The following SHANK2 variants were observed in gnomAD, a reference collection of about 807,000 sequenced individuals.
SHANK2 encodes the protein SH3 and multiple ankyrin repeat domains 2, also known as SH3 and multiple ankyrin repeat domains protein 2.
SHANK2 carries 43 observed loss-of-function variants against 133.7 expected under a neutral mutation model. That is an observed-to-expected ratio of 0.32 (90% confidence interval 0.25 to 0.41). The LOEUF (loss-of-function observed/expected upper bound fraction) is 0.41, where lower values mean the gene tolerates loss of function less well. Ranked by LOEUF, SHANK2 falls within the 10% of genes least tolerant of loss-of-function variation. SHANK2 has a pLI of 1.00. For missense variants in SHANK2, 1,994 were observed against 2,235.8 expected, an observed-to-expected ratio of 0.89 and a Z score of 2.18; for synonymous variants, 1,017 against 952.8, an observed-to-expected ratio of 1.07 and a Z score of -1.24.
intron 10 of SHANK2, among the ~76,000 whole-genome samples, chr11:70,918,694 T>C (rs1555080270): frequency 6.6e-6 from 1 of 152,078 alleles, no homozygotes. Context: ...TTAGTACAGA[T>C]GGGATTTCAC....
intron 17 of SHANK2, among the ~76,000 whole-genome samples, chr11:70,517,623 C>T (rs376085250): frequency 4.4e-4 from 67 of 152,312 alleles, no homozygotes; most frequent in African/African-American, 1.4e-3. Context: ...AGGCTGCACA[C>T]TGTATGATTC....
intron 15 of SHANK2, among the ~76,000 whole-genome samples, chr11:70,672,104 C>T (rs1274313706): frequency 6.7e-6 from 1 of 149,376 alleles, no homozygotes; most frequent in Admixed American, 6.7e-5. Context: ...TGTTCTATCG[C>T]CCAGGCTGGA....
In SHANK2 at chr11:71,110,178, C is replaced by T; in HGVS notation, c.484-129G>A. 1.2e-5 allele frequency: 8 copies of T among 672,996 alleles called. No individual in the cohort carries two copies. The Admixed American group carries it at 1.9e-4, about 16-fold the overall frequency. The allele number at this position is 672,996 out of a possible 1,614,324, so 41.7% of individuals were successfully genotyped here. ...ACATGGCTGCACACGGTGGCTCACG[C>T]CTGTAATCCCAGCACTTTGTGAGGC... On this transcript the variant is annotated intron_variant, in intron 5 of 25. Coordinates refer to ENST00000601538, the MANE Select transcript of SHANK2 (RefSeq NM_012309.5).
intron 17 of SHANK2, among the ~76,000 whole-genome samples, chr11:70,583,308 G>C (rs1436528951): frequency 1.3e-5 from 2 of 152,176 alleles, no homozygotes; most frequent in Non-Finnish European, 2.9e-5. Context: ...TGGCGAGAAG[G>C]TGACCTGGAG....
intron 2 of SHANK2, among the ~76,000 whole-genome samples, chr11:71,162,372 G>T (rs1426186763): frequency 6.6e-6 from 1 of 151,966 alleles, no homozygotes; most frequent in East Asian, 1.9e-4. Flanking sequence ...CCCATCATGG[G>T]GACCCCATGC....
chr11:70,595,232 C>T (rs1287256386), intron 17 of SHANK2, among the ~76,000 whole-genome samples: 2 of 152,150 alleles, frequency 1.3e-5, no homozygotes, highest in Non-Finnish European at 2.9e-5. Flanking sequence ...GCCAGGAGGG[C>T]AGTTTGAAGG....
chr11:70,859,209 G>C (rs999227844), intron 11 of SHANK2, among the ~76,000 whole-genome samples: 6 of 152,128 alleles, frequency 3.9e-5, no homozygotes, highest in African/African-American at 1.4e-4. Context: ...GGGTGGATGA[G>C]GGTAAGTAGG....
intron 17 of SHANK2, among the ~76,000 whole-genome samples, chr11:70,521,644 ATG>A (rs571658417): frequency 6.6e-6 from 1 of 152,152 alleles, no homozygotes; most frequent in African/African-American, 2.4e-5. Flanking sequence ...CTGTATGTGT[ATG>A]TGTGTGTGCA....
chr11:70,744,264 T>C (rs1946592661), intron 14 of SHANK2, among the ~76,000 whole-genome samples: 1 of 152,230 alleles, frequency 6.6e-6, no homozygotes, highest in Non-Finnish European at 1.5e-5. Context: ...GCTCCTGCCC[T>C]TGTGGGCTCG....
intron 25 of SHANK2, among the ~76,000 whole-genome samples, chr11:70,476,735 G>A (rs1555150183): frequency 6.6e-6 from 1 of 152,212 alleles, no homozygotes; most frequent in African/African-American, 2.4e-5. Context: ...CTGGGGTAAA[G>A]TTCTGGTCTC....
At chr11:71,122,336 G>A (rs1359212391) in intron 3 of SHANK2, among the ~76,000 whole-genome samples, 1 of 152,238 alleles carries the variant, frequency 6.6e-6, no homozygotes, top group Admixed American at 6.5e-5. Flanking sequence ...ATGAGTTCAT[G>A]TCCTTTGAAG....
intron 10 of SHANK2, among the ~76,000 whole-genome samples, chr11:70,918,290 A>T (rs1950297746): frequency 6.6e-6 from 1 of 152,142 alleles, no homozygotes; most frequent in African/African-American, 2.4e-5. Flanking sequence ...CATCAGCTAC[A>T]AGGTCAGGTC....
At position 70,942,641 on chromosome 11, in the gene SHANK2, T is replaced by C. The variant is rs1555084589; in HGVS notation, c.1108-46074A>G. The C allele has an allele frequency of 6.6e-6, 3 of 456,920 alleles. No individual in the cohort carries two copies. The Admixed American group carries it at 7.0e-5, about 11-fold the overall frequency. The allele number at this position is 456,920 out of a possible 1,614,324, so 28.3% of individuals were successfully genotyped here. A position where few individuals can be genotyped will look rare whatever the true frequency, so the allele number is the denominator to read the frequency against. On this transcript the variant is annotated intron_variant, in intron 10 of 25. Coordinates refer to ENST00000601538, the MANE Select transcript of SHANK2 (RefSeq NM_012309.5). ...AGCAGAGTGTCATTTCCACTTCACT[T>C]CTAACAGATGAACTTGAGGATTTAC...
At chr11:70,593,157 G>A (rs767594554) in intron 17 of SHANK2, among the ~76,000 whole-genome samples, 2 of 152,182 alleles carry the variant, frequency 1.3e-5, no homozygotes, top group Non-Finnish European at 2.9e-5. Context: ...GTCCCAGCAC[G>A]CGTAGGACTT....
chr11:71,083,646 C>CAG lies in SHANK2; in HGVS notation c.913-8372_913-8371insCT, dbSNP rs1951331970. On this transcript the variant is annotated intron_variant, in intron 8 of 25. Coordinates refer to ENST00000601538, the MANE Select transcript of SHANK2 (RefSeq NM_012309.5). ...GAGGGAGGGAGAGAGCCAGGCTTTG[C>CAG]CCCAAGGAAGGTACCGGGGTTCAGC... is the stretch of plus-strand genomic sequence containing the variant. Among the ~76,000 whole-genome samples, 7 of 152,256 alleles carry CAG rather than the reference C, an allele frequency of 4.6e-5. No individual in the cohort carries two copies. In the South Asian group the frequency reaches 1.2e-3, roughly 27 times the overall value.
intron 2 of SHANK2, among the ~76,000 whole-genome samples, chr11:71,163,567 A>G (rs1430305213): frequency 6.6e-6 from 1 of 152,222 alleles, no homozygotes; most frequent in African/African-American, 2.4e-5. Flanking sequence ...ATAGGAGGGC[A>G]TTGTGACTTC....
At chr11:70,504,729 A>G (rs2059112794) in intron 17 of SHANK2, among the ~76,000 whole-genome samples, 1 of 152,096 alleles carries the variant, frequency 6.6e-6, no homozygotes, top group Non-Finnish European at 1.5e-5. Flanking sequence ...GGTTCTCAGA[A>G]TGTAATTAGG....
At chr11:70,653,031 G>A (rs2061355631) in intron 17 of SHANK2, among the ~76,000 whole-genome samples, 1 of 152,032 alleles carries the variant, frequency 6.6e-6, no homozygotes, top group African/African-American at 2.4e-5. Context: ...GGAGTGCAGT[G>A]GAGCAATCTC....
At chr11:71,236,473 G>C (rs1954827337) in intron 1 of SHANK2, among the ~76,000 whole-genome samples, 1 of 152,178 alleles carries the variant, frequency 6.6e-6, no homozygotes, top group African/African-American at 2.4e-5. Context: ...TTAGCCATGT[G>C]TGGTGGCATG....
Sources: allele counts gnomAD v4.1 joint callset (sites outside exome capture counted in the v4.1 genomes callset), GRCh38; gene constraint gnomAD v4.1.1; transcripts MANE v1.5; gene names NCBI Gene and HGNC (gene_info 2026-07-23, HGNC 2026-07-21).